The following SLC26A5 variants were observed in gnomAD, a reference collection of about 807,000 sequenced individuals.
The protein encoded by SLC26A5 is solute carrier family 26 member 5.
In SLC26A5, 51 loss-of-function variants were observed where a neutral mutation model predicts 81.0. The ratio of observed to expected loss-of-function variants is 0.63; its 90% CI spans 0.50 to 0.80. The LOEUF (loss-of-function observed/expected upper bound fraction) is 0.80. SLC26A5 is among the 30% of genes least tolerant of loss of function. The pLI is 0.00. For synonymous variants in SLC26A5, 325 were observed against 332.8 expected, an observed-to-expected ratio of 0.98 and a Z score of 0.25; for missense variants, 771 against 905.8, an observed-to-expected ratio of 0.85 and a Z score of 1.91.
rs1820754318 is a variant in SLC26A5 at position 103,367,030 on chromosome 7, C to T, written c.2041+9778G>A. Among the ~76,000 whole-genome samples, 1 of 152,262 alleles carries T rather than the reference C, an allele frequency of 6.6e-6. No homozygotes were observed. Among genetic ancestry groups the T allele is most frequent in the East Asian group, 1.9e-4 (1 of 5,180 alleles). On this transcript the variant is annotated intron_variant, in intron 19 of 19. Coordinates refer to the SLC26A5 transcript ENST00000339444. This position sits in a 1 kb window ranked among gnomAD's most constrained non-coding sequence, Gnocchi z 6.1. ...ATGTTGGCCAGGCTGGTCTCGAACT[C>T]CTGAGGACAAGTTATTTTAACTAAT...
At chr7:103,400,774 A>T (rs551030186) in intron 8 of SLC26A5, among the ~76,000 whole-genome samples, 1 of 151,714 alleles carries the variant, frequency 6.6e-6, no homozygotes, top group Admixed American at 6.6e-5. Flanking sequence ...GCAGTTTTCC[A>T]CATATGGCTA....
chr7:103,420,737 C>T lies in SLC26A5; in HGVS notation c.292+1G>A. The T allele has an allele frequency of 6.2e-7, 1 of 1,613,996 alleles. No individual in the cohort carries two copies. Among genetic ancestry groups the T allele is most frequent in the Non-Finnish European group, 8.5e-7 (1 of 1,179,988 alleles). Reference sequence around the variant, plus strand: ...GGGGAAAGAAAGAAAGATCTACTGACCTTGAGGAAGCTGAAGCACCCCTGT... The same window carrying T: ...GGGGAAAGAAAGAAAGATCTACTGATCTTGAGGAAGCTGAAGCACCCCTGT... On this transcript the variant is annotated splice_donor_variant, in intron 4 of 19. Transcript: ENST00000306312. LOFTEE classifies it high-confidence loss of function.
chr7:103,365,344 T>C (rs1460788747), intron 19 of SLC26A5, among the ~76,000 whole-genome samples: 1 of 152,076 alleles, frequency 6.6e-6, no homozygotes, highest in East Asian at 1.9e-4. Context: ...AAAAAAAGTT[T>C]AGATAGGCCA....
intron 19 of SLC26A5, chr7:103,352,957 T>G (rs376036681): frequency 1.5e-5 from 12 of 780,666 alleles, no homozygotes; most frequent in African/African-American, 3.4e-5. Context: ...GACTTGTTCT[T>G]AGTTGTGAAC....
intron 19 of SLC26A5, among the ~76,000 whole-genome samples, chr7:103,363,837 T>A (rs1015865004): frequency 6.6e-6 from 1 of 152,154 alleles, no homozygotes; most frequent in African/African-American, 2.4e-5. Context: ...ATAATTTTGT[T>A]CCTTAAACAC....
At chr7:103,409,747 G>A (rs985815323) in intron 7 of SLC26A5, among the ~76,000 whole-genome samples, 6 of 151,402 alleles carry the variant, frequency 4.0e-5, no homozygotes, top group African/African-American at 1.5e-4. Context: ...TTGCTCTGTC[G>A]CTCAGGCTGG....
intron 2 of SLC26A5, among the ~76,000 whole-genome samples, chr7:103,422,661 C>A (rs1477340410): frequency 6.6e-6 from 1 of 152,152 alleles, no homozygotes; most frequent in Non-Finnish European, 1.5e-5. Flanking sequence ...AAAAAAAGAA[C>A]TGGCACAAAG....
intron 14 of SLC26A5, among the ~76,000 whole-genome samples, chr7:103,381,926 C>A (rs927638899): frequency 2.5e-5 from 3 of 119,174 alleles, no homozygotes; most frequent in Non-Finnish European, 6.0e-5. Flanking sequence ...ACACCTCACA[C>A]TTCACATCAC....
chr7:103,398,180 G>T (rs974854575), intron 8 of SLC26A5, among the ~76,000 whole-genome samples, 166 bp from the exon 9 acceptor site: 1 of 152,150 alleles, frequency 6.6e-6, no homozygotes, highest in Non-Finnish European at 1.5e-5. Context: ...TTCTCTTAAT[G>T]ACCCTACCCC....
At position 103,378,522 on chromosome 7, in the gene SLC26A5, G is replaced by A. The variant is rs1323488860; in HGVS notation, c.1709C>T (p.Ala570Val). 6.2e-7 allele frequency: 1 copy of A among 1,613,970 alleles called. No homozygotes were observed. Among genetic ancestry groups the A allele is most frequent in the Non-Finnish European group, 8.5e-7 (1 of 1,180,014 alleles). The change falls in exon 17 of 20, where the codon GCA becomes GTA. Residue 570 changes from alanine to valine, a missense_variant. Ala to Val is a moderately conservative substitution (Grantham distance 64, BLOSUM62 0). Transcript: ENST00000306312. ...TGVNPAVIMG[A>V]RRKAMRKYAK... ...GTACTTCCGCATGGCCTTTCTCCTT[G>A]CTCCCATGATGACTGCTGGGTTCAC...
intron 19 of SLC26A5, chr7:103,362,744 G>A: frequency 6.4e-7 from 1 of 1,571,596 alleles, no homozygotes; most frequent in Non-Finnish European, 8.7e-7. Context: ...TGACCCAACA[G>A]TTACCATGAT....
intron 4 of SLC26A5, among the ~76,000 whole-genome samples, chr7:103,418,435 T>C (rs1231141781): frequency 6.6e-6 from 1 of 152,194 alleles, no homozygotes; most frequent in Non-Finnish European, 1.5e-5. Flanking sequence ...TCAGTCCAGC[T>C]TGACTGAATG....
chr7:103,372,257 A>T (rs1821085602), downstream of SLC26A5, among the ~76,000 whole-genome samples: 1 of 152,230 alleles, frequency 6.6e-6, no homozygotes, highest in African/African-American at 2.4e-5. Context: ...ATTAGTAAAG[A>T]GAGTGAGAAA....
At chr7:103,369,720 G>A (rs1446498371), downstream of SLC26A5, among the ~76,000 whole-genome samples, 1 of 152,064 alleles carries the variant, frequency 6.6e-6, no homozygotes, top group Admixed American at 6.5e-5. Context: ...CATGTGTGTA[G>A]ATGCACATAT....
At chr7:103,374,768 C>T (rs1289754093) in intron 19 of SLC26A5, among the ~76,000 whole-genome samples, 176 bp from the exon 20 acceptor site, 1 of 148,288 alleles carries the variant, frequency 6.7e-6, no homozygotes, top group African/African-American at 2.5e-5. Context: ...GGTGTGATCT[C>T]AGCTCACTGC....
chr7:103,442,058 G>A (rs1306875791), intron 2 of SLC26A5, among the ~76,000 whole-genome samples: 1 of 152,176 alleles, frequency 6.6e-6, no homozygotes, highest in Non-Finnish European at 1.5e-5. Context: ...CTGGACATTA[G>A]TATTTGCTGG....
chr7:103,425,368 A>G (rs1329485583), intron 2 of SLC26A5, among the ~76,000 whole-genome samples: 2 of 152,234 alleles, frequency 1.3e-5, no homozygotes, highest in Admixed American at 6.5e-5. Flanking sequence ...CTGACCAACT[A>G]GAGCACAGCC....
Position 103,374,262 on chromosome 7 carries a change from G to A in SLC26A5, c.*137C>T, listed in dbSNP as rs74388929. ...ACAAGTACAATACATCTTGCTAGGCGTCATTCACCCTCCAAATCAAGCCTG... is the reference window on the plus strand; with the variant it reads ...ACAAGTACAATACATCTTGCTAGGCATCATTCACCCTCCAAATCAAGCCTG... On this transcript the variant is annotated 3_prime_UTR_variant, in exon 20 of 20. Transcript: ENST00000306312. The A allele has an allele frequency of 7.2e-4, 1,073 of 1,481,738 alleles. 1 individual carries two copies. The African/African-American group carries it at 7.8e-3, about 11-fold the overall frequency. The allele number at this position is 1,481,738 out of a possible 1,614,324, so 91.8% of individuals were successfully genotyped here. A position where few individuals can be genotyped will look rare whatever the true frequency, so the allele number is the denominator to read the frequency against.
chr7:103,390,325 G>A, intron 12 of SLC26A5, 104 bp downstream of exon 12: 1 of 1,053,806 alleles, frequency 9.5e-7, no homozygotes. Context: ...ATCCTGTGAG[G>A]GTTACAGTAA....
Sources: allele counts gnomAD v4.1 joint callset (sites outside exome capture counted in the v4.1 genomes callset), GRCh38; gene constraint gnomAD v4.1.1; non-coding constraint Gnocchi (gnomAD v3.1); transcripts MANE v1.5; gene names NCBI Gene and HGNC (gene_info 2026-07-23, HGNC 2026-07-21).